RBM4: variants seen among roughly 807,000 people sequenced by gnomAD.
RBM4 encodes the protein RNA binding motif protein 4, also known as RNA-binding protein 4.
A neutral mutation model predicts 29.5 loss-of-function variants in RBM4; 7 were observed. That is an observed-to-expected ratio of 0.24 (90% confidence interval 0.14 to 0.45). The LOEUF is 0.45. Among genes scored for constraint, RBM4 ranks in the 20% least tolerant of loss-of-function variants. The pLI is 1.00. For missense variants in RBM4, 387 were observed against 502.3 expected, an observed-to-expected ratio of 0.77 and a Z score of 2.19; for synonymous variants, 220 against 205.4, an observed-to-expected ratio of 1.07 and a Z score of -0.61.
chr11:66,658,294 C>G (rs1049856198), intron 2 of RBM4, among the ~76,000 whole-genome samples: 2 of 132,214 alleles, frequency 1.5e-5, no homozygotes, highest in East Asian at 5.1e-4. Context: ...TCCCAAAATG[C>G]TGGGATTACA....
At chr11:66,668,154 C>CA (rs1254611610) in exon 3 of RBM4, 1 of 164,144 alleles carries the variant, frequency 6.1e-6, no homozygotes, top group African/African-American at 2.4e-5. Context: ...TGGTATCAGA[C>CA]AGGTCCAAAT....
rs1429453232 is a variant in RBM4 at position 66,643,959 on chromosome 11, C to T, written c.922C>T (p.Arg308Trp). 3 of 1,612,922 alleles carry T rather than the reference C, an allele frequency of 1.9e-6. No homozygotes were observed. The highest frequency in any genetic ancestry group is 2.5e-6 in the Non-Finnish European group (3 of 1,180,010). ...TTCCACTTCATATTACGGGCGGGAT[C>T]GGAGCCCCCTGCGTCGCGCTACAGC... ...AASTSYYGRDRSPLRRATAPV... is the reference protein window; with the variant it reads ...AASTSYYGRDWSPLRRATAPV... Residue 308 changes from arginine (R) to tryptophan (W), a missense_variant, in exon 3 of 4, where the codon CGG becomes TGG. Coordinates refer to ENST00000310092, the MANE Select transcript of RBM4 (RefSeq NM_002896.4). This position sits in a 1 kb window ranked among gnomAD's most constrained non-coding sequence, Gnocchi z 6.1.
intron 3 of RBM4, among the ~76,000 whole-genome samples, chr11:66,645,656 C>T (rs1938659448): frequency 6.6e-6 from 1 of 151,466 alleles, no homozygotes; most frequent in Admixed American, 6.6e-5. Flanking sequence ...TTTTTTTAAA[C>T]CTCAGGGAGC....
intron 1 of RBM4, chr11:66,639,292 G>C (rs2135050947): frequency 5.8e-6 from 1 of 173,894 alleles, no homozygotes; most frequent in East Asian, 1.6e-4. Context: ...TGGCTGCTTT[G>C]GTTCCTACGT....
At chr11:66,647,399 T>G (rs553023338), downstream of RBM4, among the ~76,000 whole-genome samples, 2 of 152,372 alleles carry the variant, frequency 1.3e-5, no homozygotes, top group African/African-American at 4.8e-5. Context: ...ATGACCAAGA[T>G]TTGAACAGCT....
At chr11:66,641,109 C>T (rs1210276374) in intron 2 of RBM4, 1 of 152,016 alleles carries the variant, frequency 6.6e-6, no homozygotes, top group Non-Finnish European at 1.5e-5. Flanking sequence ...TTCCCAGTGT[C>T]AAAAAGAGTG....
rs760783504 is a variant in RBM4 at position 66,643,974 on chromosome 11, C to T, written c.937C>T (p.Arg313Cys). 8.1e-6 allele frequency: 13 copies of T among 1,612,936 alleles called. No homozygotes were observed. Among genetic ancestry groups the T allele is most frequent in the Non-Finnish European group, 1.0e-5 (12 of 1,180,030 alleles). ...CGGGCGGGATCGGAGCCCCCTGCGT[C>T]GCGCTACAGCCCCAGTCCCCACTGT... is the stretch of plus-strand genomic sequence containing the variant. The part of the protein sequence containing the change: ...YYGRDRSPLR[R>C]ATAPVPTVGE... Residue 313 changes from arginine (R) to cysteine (C), a missense_variant, in exon 3 of 4, where the codon CGC (arginine) becomes TGC (cysteine). Arg to Cys is a radical substitution (Grantham distance 180). Around this residue, in one of 2 missense-constraint regions of RBM4, gnomAD observed 281 missense variants for 288.7 expected, o/e 0.97. Transcript: ENST00000310092. The surrounding 1 kb of genome is among the most constrained non-coding windows in gnomAD (Gnocchi z 6.1).
intron 2 of RBM4, among the ~76,000 whole-genome samples, chr11:66,654,087 T>A (rs1441297952): frequency 6.6e-6 from 1 of 152,214 alleles, no homozygotes; most frequent in Non-Finnish European, 1.5e-5. Flanking sequence ...AGTGCCATGG[T>A]GTTATCTATC....
In RBM4 at chr11:66,643,478, C is replaced by G; in HGVS notation, c.441C>G (p.Thr147=). ...AACGAATGCACGTGCAGTTGTCCAC[C>G]AGCCGGCTTAGGACTGCGCCCGGGA... is the stretch of plus-strand genomic sequence containing the variant. ...QGKRMHVQLS[T]SRLRTAPGMG... is the part of the protein sequence containing the mutation. The change falls in exon 3 of 4, where the codon ACC becomes ACG. Residue 147 remains threonine (T), a synonymous_variant. Coordinates refer to ENST00000310092, the MANE Select transcript of RBM4 (RefSeq NM_002896.4). The surrounding 1 kb of genome is among the most constrained non-coding windows in gnomAD (Gnocchi z 6.1). The G allele has an allele frequency of 6.2e-7, 1 of 1,611,634 alleles. No individual in the cohort carries two copies. Among genetic ancestry groups the G allele is most frequent in the Non-Finnish European group, 8.5e-7 (1 of 1,178,072 alleles).
In RBM4 at chr11:66,643,844, C is replaced by G. The variant is rs763179363; in HGVS notation, c.807C>G (p.Leu269=). ...CCAGTCACCTCACCTCCACCTCTCT[C>G]GATCCCTACGATAGACACCTGTTGC... ...AMASHLTSTS[L]DPYDRHLLPT... The change falls in exon 3 of 4, where the codon CTC becomes CTG. Residue 269 remains leucine, a synonymous_variant. Transcript: ENST00000310092. This position sits in a 1 kb window ranked among gnomAD's most constrained non-coding sequence, Gnocchi z 6.1. 4 of 1,613,822 alleles carry G rather than the reference C, an allele frequency of 2.5e-6. No individual in the cohort carries two copies. Among genetic ancestry groups the G allele is most frequent in the Non-Finnish European group, 3.4e-6 (4 of 1,180,004 alleles).
chr11:66,646,065 T>G lies in RBM4; in HGVS notation c.*47T>G. ...GGGCTGAAATTCCGAGCTGCGGTTGTGCATGAGAATACACCCTTCGTGGTA... is the reference window on the plus strand; with the variant it reads ...GGGCTGAAATTCCGAGCTGCGGTTGGGCATGAGAATACACCCTTCGTGGTA... On this transcript the variant is annotated 3_prime_UTR_variant, in exon 4 of 4. Transcript: ENST00000310092. 3 of 1,536,126 alleles carry G rather than the reference T, an allele frequency of 2.0e-6. No individual in the cohort carries two copies. Among genetic ancestry groups the G allele is most frequent in the Non-Finnish European group, 2.6e-6 (3 of 1,146,928 alleles).
At chr11:66,645,682 C>T (rs932035368) in intron 3 of RBM4, among the ~76,000 whole-genome samples, 6 of 151,998 alleles carry the variant, frequency 3.9e-5, no homozygotes, top group African/African-American at 1.5e-4. Flanking sequence ...GGAACCTTTC[C>T]ATTTTTCCTA....
chr11:66,644,216 C>CTGCT (rs750879263), intron 3 of RBM4, 76 bp downstream of exon 3: 37 of 1,517,542 alleles, frequency 2.4e-5, no homozygotes, highest in East Asian at 1.1e-4. Flanking sequence ...TTAGGCTGCC[C>CTGCT]TGCTTGCTTG....
chr11:66,650,045 G>A, downstream of RBM4: 2 of 472,638 alleles, frequency 4.2e-6, no homozygotes, highest in Non-Finnish European at 3.7e-6. Context: ...AGATGAATAG[G>A]GCATTGTGCC....
At chr11:66,646,469 G>C (rs1938697399), downstream of RBM4, 1 of 1,001,034 alleles carries the variant, frequency 1.0e-6, no homozygotes, top group Non-Finnish European at 1.2e-6. Flanking sequence ...TTTCAACTTA[G>C]GGTATGTGTG....
downstream of RBM4, among the ~76,000 whole-genome samples, chr11:66,650,637 G>C (rs1938805948): frequency 1.3e-5 from 2 of 151,628 alleles, no homozygotes; most frequent in Admixed American, 6.6e-5. Context: ...GCCGAGGTGG[G>C]CGGATCACGA....
At chr11:66,647,585 C>G (rs961198372), downstream of RBM4, among the ~76,000 whole-genome samples, 1 of 152,092 alleles carries the variant, frequency 6.6e-6, no homozygotes, top group African/African-American at 2.4e-5. Flanking sequence ...GTTTCTTTTT[C>G]TCTAAAGGAC....
intron 2 of RBM4, among the ~76,000 whole-genome samples, chr11:66,652,050 A>G (rs375636082): frequency 6.6e-6 from 1 of 152,214 alleles, no homozygotes; most frequent in Non-Finnish European, 1.5e-5. Context: ...TATTAAAATA[A>G]TAATCTGATG....
chr11:66,666,252 G>A (rs1939228159), exon 3 of RBM4: 4 of 1,023,464 alleles, frequency 3.9e-6, no homozygotes, highest in Non-Finnish European at 4.9e-6. Context: ...ATGGCTGGGG[G>A]AAAAAAAAAG....
Sources: gnomAD v4.1 joint callset for allele counts (sites outside exome capture counted in the v4.1 genomes callset) on GRCh38, gnomAD v4.1.1 for gene constraint, gnomAD v4.1.1 regional missense constraint, Gnocchi (gnomAD v3.1) non-coding constraint, MANE v1.5 for transcripts, NCBI Gene and HGNC (gene_info 2026-07-23, HGNC 2026-07-21) for gene names.